CARD14: variants seen among roughly 807,000 people sequenced by gnomAD.
CARD14 encodes caspase recruitment domain family member 14.
A neutral mutation model predicts 111.5 loss-of-function variants in CARD14; 107 were observed. The ratio of observed to expected loss-of-function variants is 0.96; its 90% CI spans 0.82 to 1.13. The LOEUF (loss-of-function observed/expected upper bound fraction) is 1.13, where lower values mean the gene tolerates loss of function less well. Among genes scored for constraint, CARD14 ranks in the 50% most tolerant of loss-of-function variants. CARD14 has a pLI of 0.00. For missense variants in CARD14, 1,322 were observed against 1,362.3 expected (o/e 0.97, Z 0.47); for synonymous variants, 617 against 579.6 (o/e 1.06, Z -0.93).
In CARD14 at chr17:80,197,520, G is replaced by A. The variant is rs563156376; in HGVS notation, c.1595-579G>A. 54 of 147,124 alleles carry A rather than the reference G, an allele frequency of 3.7e-4. No individual in the cohort carries two copies. In the South Asian group the frequency reaches 6.8e-3, roughly 19 times the overall value. The allele number at this position is 147,124 out of a possible 1,614,324, so 9.1% of individuals were successfully genotyped here. A position where few individuals can be genotyped will look rare whatever the true frequency, so the allele number is the denominator to read the frequency against. ...TGTACTCCAGCCTGGGCGACAGAGT[G>A]AGACTCTGTCTCAAAAAAAAAAAAA... On this transcript the variant is annotated intron_variant, in intron 14 of 23. Transcript: ENST00000648509.
At position 80,173,207 on chromosome 17, in the gene CARD14, T is replaced by C. The variant is rs1161309579; in HGVS notation, c.-388T>C. 6.5e-6 allele frequency: 1 copy of C among 153,614 alleles called. No homozygotes were observed. The highest frequency in any genetic ancestry group is 1.5e-5 in the Non-Finnish European group (1 of 68,048). The allele number at this position is 153,614 out of a possible 1,614,324, so 9.5% of individuals were successfully genotyped here. On this transcript the variant is annotated 5_prime_UTR_variant, in exon 2 of 24. It removes an upstream start codon present in the reference 5' UTR. Coordinates refer to ENST00000648509, the MANE Select transcript of CARD14 (RefSeq NM_001366385.1). ...CAGATTTCTTTACAATCTACCACCATGAACAGCAAGCATTAGCATTGGTGA... is the reference window on the plus strand; with the variant it reads ...CAGATTTCTTTACAATCTACCACCACGAACAGCAAGCATTAGCATTGGTGA...
intron 2 of CARD14, among the ~76,000 whole-genome samples, chr17:80,173,744 A>G (rs868614120): frequency 7.9e-5 from 12 of 151,854 alleles, no homozygotes; most frequent in African/African-American, 2.9e-4. Flanking sequence ...GATTACAGGC[A>G]CACACCACCA....
At chr17:80,185,243 G>A (rs1179721387) in intron 7 of CARD14, among the ~76,000 whole-genome samples, 1 of 151,828 alleles carries the variant, frequency 6.6e-6, no homozygotes, top group East Asian at 1.9e-4. Context: ...GAAATGGGGG[G>A]TTCTCATTAT....
intron 6 of CARD14, 97 bp from the exon 7 acceptor site, chr17:80,183,816 A>C (rs867378712): frequency 2.4e-5 from 21 of 886,606 alleles, no homozygotes; most frequent in Admixed American, 3.6e-5. Context: ...ACCTGCCCAC[A>C]TGCTCACCTG....
At position 80,182,479 on chromosome 17, in the gene CARD14, G is replaced by A. The variant is rs981143440; in HGVS notation, c.212-174G>A. 6.6e-6 allele frequency among the ~76,000 whole-genome samples: 1 copy of A among 152,200 alleles called. No individual in the cohort carries two copies. The highest frequency in any genetic ancestry group is 1.5e-5 in the Non-Finnish European group (1 of 68,034). The stretch of plus-strand genomic sequence containing the variant: ...ATGGGGGTAAAGGGAGCCTGTGAGA[G>A]CAGTGAGGGCGCGTCCCACCCAGCA... On this transcript the variant is annotated intron_variant, in intron 5 of 23. Transcript: ENST00000648509. This position sits in a 1 kb window ranked among gnomAD's most constrained non-coding sequence, Gnocchi z 4.7.
intron 19 of CARD14, 171 bp downstream of exon 19, chr17:80,204,056 C>T (rs2041138193): frequency 1.2e-6 from 1 of 808,794 alleles, no homozygotes; most frequent in African/African-American, 1.7e-5. Flanking sequence ...GCAGCCCCTG[C>T]CCAGCCTGCA....
At chr17:80,193,647 G>A (rs1347493397) in intron 12 of CARD14, among the ~76,000 whole-genome samples, 1 of 152,188 alleles carries the variant, frequency 6.6e-6, no homozygotes. Context: ...TGGACCTGGT[G>A]TTTCCTTCCT....
At chr17:80,206,935 G>A in intron 22 of CARD14, 35 bp from the exon 23 acceptor site, 1 of 1,530,594 alleles carries the variant, frequency 6.5e-7, no homozygotes, top group Non-Finnish European at 9.0e-7. Context: ...TGAGGCCTGT[G>A]ATCTTGACTC....
chr17:80,180,127 G>A (rs2040122750), intron 4 of CARD14, among the ~76,000 whole-genome samples: 1 of 152,178 alleles, frequency 6.6e-6, no homozygotes, highest in Non-Finnish European at 1.5e-5. Flanking sequence ...GGGGCACAGT[G>A]GGGTACACAG....
Position 80,195,534 on chromosome 17 carries a change from CCTG to C in CARD14, c.1500-15_1500-13del, listed in dbSNP as rs2040680613. 2 of 1,597,918 alleles carry C rather than the reference CCTG, an allele frequency of 1.3e-6. No homozygotes were observed. The highest frequency in any genetic ancestry group is 1.7e-6 in the Non-Finnish European group (2 of 1,172,616). On this transcript the variant is annotated intron_variant, in intron 13 of 23. Transcript: ENST00000648509. The surrounding 1 kb of genome is among the most constrained non-coding windows in gnomAD (Gnocchi z 4.7). Reference sequence around the variant, plus strand: ...GAGGGAGCAGGTGATGCAGTTTGAGCCTGCTGCTGCTTATGCTTTGCAGCAGCT... The same window carrying C: ...GAGGGAGCAGGTGATGCAGTTTGAGCCTGCTGCTTATGCTTTGCAGCAGCT...
In CARD14 at chr17:80,188,413, A is replaced by G. The variant is rs2040413981; in HGVS notation, c.712A>G (p.Met238Val). 3 of 1,610,840 alleles carry G rather than the reference A, an allele frequency of 1.9e-6. No homozygotes were observed. Among genetic ancestry groups the G allele is most frequent in the Non-Finnish European group, 2.5e-6 (3 of 1,178,622 alleles). ...GAAGCAGGAGCTGCAGCGAGCCAAC[A>G]TGGTTTCCTCCTGTGAGCTGGAATT... is the stretch of plus-strand genomic sequence containing the variant. ...LLKQELQRAN[M>V]VSSCELELQE... Residue 238 changes from methionine to valine, a missense_variant, in exon 8 of 24, where the codon ATG becomes GTG. Coordinates refer to ENST00000648509, the MANE Select transcript of CARD14 (RefSeq NM_001366385.1). The surrounding 1 kb of genome is among the most constrained non-coding windows in gnomAD (Gnocchi z 4.5).
rs971956057 is a variant in CARD14, at chr17:80,203,504, C to T, written c.2220-318C>T. Reference sequence around the variant, plus strand: ...TGACTCCAGGCTGCAGGCCAGGGACCCACCATGAATATTGAGGTCCTGGAG... The same window carrying T: ...TGACTCCAGGCTGCAGGCCAGGGACTCACCATGAATATTGAGGTCCTGGAG... On this transcript the variant is annotated intron_variant, in intron 18 of 23. Transcript: ENST00000648509. The surrounding 1 kb of genome is among the most constrained non-coding windows in gnomAD (Gnocchi z 4.6). The T allele has an allele frequency of 6.5e-6, 2 of 306,636 alleles. No homozygotes were observed. The highest frequency in any genetic ancestry group is 5.7e-5 in the East Asian group (1 of 17,472). The allele number at this position is 306,636 out of a possible 1,614,324, so 19.0% of individuals were successfully genotyped here. A position where few individuals can be genotyped will look rare whatever the true frequency, so the allele number is the denominator to read the frequency against.
chr17:80,181,062 C>T (rs566340607), intron 4 of CARD14, among the ~76,000 whole-genome samples: 1 of 150,444 alleles, frequency 6.6e-6, no homozygotes, highest in South Asian at 2.1e-4. Context: ...TACGCCTAGC[C>T]TACTACCATT....
chr17:80,190,673 A>T, intron 9 of CARD14, 101 bp from the exon 10 acceptor site: 1 of 1,375,090 alleles, frequency 7.3e-7, no homozygotes, highest in Non-Finnish European at 1.0e-6. Context: ...TCATCCCTAG[A>T]ACTGTCTCCC....
chr17:80,189,976 C>T lies in CARD14; in HGVS notation c.963+104C>T. 6.9e-7 allele frequency: 1 copy of T among 1,454,898 alleles called. No homozygotes were observed. Among genetic ancestry groups the T allele is most frequent in the Non-Finnish European group, 9.0e-7 (1 of 1,105,276 alleles). The allele number at this position is 1,454,898 out of a possible 1,614,324, so 90.1% of individuals were successfully genotyped here. ...GATTCCTTCATCCACGCCGAGCTCA[C>T]ATAATTTTGCTGAACGAATCTGTCG... On this transcript the variant is annotated intron_variant, in intron 9 of 23. Coordinates refer to ENST00000648509, the MANE Select transcript of CARD14 (RefSeq NM_001366385.1). The surrounding 1 kb of genome is among the most constrained non-coding windows in gnomAD (Gnocchi z 4.7).
rs1242912477 is a variant in CARD14, at chr17:80,202,558, A to G, written c.2219+138A>G. On this transcript the variant is annotated intron_variant, in intron 18 of 23. Coordinates refer to ENST00000648509, the MANE Select transcript of CARD14 (RefSeq NM_001366385.1). ...ACCCCCCTAAGGAGGGAAGCCTGCC[A>G]AGATCACTGCTGAAGATGTTGTTTC... 9 of 1,454,352 alleles carry G rather than the reference A, an allele frequency of 6.2e-6. No individual in the cohort carries two copies. The East Asian group carries it at 2.2e-4, about 36-fold the overall frequency. The allele number at this position is 1,454,352 out of a possible 1,614,324, so 90.1% of individuals were successfully genotyped here.
In CARD14 at chr17:80,205,672, G is replaced by A. The variant is rs2041261946; in HGVS notation, c.2691+20G>A. ...GAAAAGGTGAGGTCAAGGGCGGGGTGGGCAGGGGAGCTGTCCTGGGAAGGG... is the reference window on the plus strand; with the variant it reads ...GAAAAGGTGAGGTCAAGGGCGGGGTAGGCAGGGGAGCTGTCCTGGGAAGGG... On this transcript the variant is annotated intron_variant, in intron 22 of 23. Transcript: ENST00000648509. The A allele has an allele frequency of 1.3e-6, 2 of 1,535,028 alleles. No individual in the cohort carries two copies. The highest frequency in any genetic ancestry group is 8.8e-7 in the Non-Finnish European group (1 of 1,139,796).
chr17:80,205,333 C>A, intron 21 of CARD14, 128 bp downstream of exon 21: 1 of 1,162,594 alleles, frequency 8.6e-7, no homozygotes, highest in Non-Finnish European at 1.2e-6. Flanking sequence ...CCACACTCAC[C>A]TGCTGTGTCC....
At position 80,182,652 on chromosome 17, in the gene CARD14, G is replaced by A. The variant is rs770762780; in HGVS notation, c.212-1G>A. On this transcript the variant is annotated splice_acceptor_variant, in intron 5 of 23. Coordinates refer to ENST00000648509, the MANE Select transcript of CARD14 (RefSeq NM_001366385.1). LOFTEE classifies it high-confidence loss of function. The surrounding 1 kb of genome is among the most constrained non-coding windows in gnomAD (Gnocchi z 4.7). ...CCAGACAGACGGTTCTGCCTCCCAA[G>A]GGCACTTGCTGGATTTGCTGAAGAC... 5 of 1,613,998 alleles carry A rather than the reference G, an allele frequency of 3.1e-6. No individual in the cohort carries two copies. In the South Asian group the frequency reaches 5.5e-5, roughly 18 times the overall value.
Sources: allele counts gnomAD v4.1 joint callset (sites outside exome capture counted in the v4.1 genomes callset), GRCh38; gene constraint gnomAD v4.1.1; non-coding constraint Gnocchi (gnomAD v3.1); transcripts MANE v1.5; gene names NCBI Gene and HGNC (gene_info 2026-07-23, HGNC 2026-07-21).